EYS: variants seen among roughly 807,000 people sequenced by gnomAD.
EYS encodes EGF-like photoreceptor maintenance factor.
EYS carries 250 observed loss-of-function variants against 282.1 expected under a neutral mutation model. The observed-to-expected ratio is 0.89, with a 90% CI of 0.80 to 0.98. The LOEUF (loss-of-function observed/expected upper bound fraction) is 0.98. Ranked by LOEUF, EYS falls within the 50% of genes least tolerant of loss-of-function variation. The pLI, the probability that EYS is intolerant of heterozygous loss-of-function variation, is 0.00. For synonymous variants in EYS, 1,355 were observed against 1,282.9 expected, an observed-to-expected ratio of 1.06 and a Z score of -1.20; for missense variants, 4,016 against 3,709.0, an observed-to-expected ratio of 1.08 and a Z score of -2.15.
chr6:64,938,134 G>C (rs902674327), intron 15 of EYS, among the ~76,000 whole-genome samples: 2 of 151,496 alleles, frequency 1.3e-5, no homozygotes, highest in African/African-American at 4.8e-5. Flanking sequence ...AGAAGGAAAT[G>C]GGGAGAGGCT....
chr6:64,098,061 C>T (rs1772692480), intron 31 of EYS, among the ~76,000 whole-genome samples: 1 of 152,170 alleles, frequency 6.6e-6, no homozygotes, highest in African/African-American at 2.4e-5. Flanking sequence ...GAAACTGTTA[C>T]ATCTTACTGG....
Position 65,125,081 on chromosome 6 carries a change from G to A in EYS, c.2024-67354C>T, listed in dbSNP as rs567910756. ...AGGAAGGGTCATTTGTCTAAGTTGT[G>A]GCAAAGCCTAAGGGGCAGAAAGGCC... is the stretch of plus-strand genomic sequence containing the variant. On this transcript the variant is annotated intron_variant, in intron 12 of 42. Transcript: ENST00000503581. 6.6e-5 allele frequency among the ~76,000 whole-genome samples: 10 copies of A among 152,290 alleles called. No homozygotes were observed. In the East Asian group the frequency reaches 1.9e-3, roughly 29 times the overall value.
chr6:64,481,203 G>A (rs1460519664), intron 26 of EYS, among the ~76,000 whole-genome samples: 1 of 146,534 alleles, frequency 6.8e-6, no homozygotes, highest in African/African-American at 2.5e-5. Context: ...TCATATATAT[G>A]ATATATATAT....
At chr6:64,070,396 G>T (rs1033588297) in intron 32 of EYS, among the ~76,000 whole-genome samples, 1 of 151,962 alleles carries the variant, frequency 6.6e-6, no homozygotes, top group Non-Finnish European at 1.5e-5. Flanking sequence ...ATCAGAAAAT[G>T]TTAGAAAGCT....
intron 12 of EYS, among the ~76,000 whole-genome samples, chr6:65,267,669 G>A (rs1224969791): frequency 1.3e-5 from 2 of 151,934 alleles, no homozygotes; most frequent in African/African-American, 2.4e-5. Context: ...GTATAAGCGA[G>A]AACACAGGTT....
chr6:65,156,981 C>T (rs1381354793), intron 12 of EYS, among the ~76,000 whole-genome samples: 1 of 150,856 alleles, frequency 6.6e-6, no homozygotes, highest in Non-Finnish European at 1.5e-5. Context: ...AAAATAATGA[C>T]CTTATTCTTC....
chr6:63,721,202 C>T lies in EYS; in HGVS notation c.8829G>A (p.Trp2943Ter), dbSNP rs1768371329. 6.4e-7 allele frequency: 1 copy of T among 1,551,582 alleles called. No individual in the cohort carries two copies. Among genetic ancestry groups the T allele is most frequent in the East Asian group, 2.4e-5 (1 of 40,912 alleles). The change falls in exon 43 of 43, where the codon TGG becomes TGA. Residue 2943 changes from tryptophan to a stop codon, truncating the protein, a stop_gained. Transcript: ENST00000503581. LOFTEE classifies it high-confidence loss of function. ...FSYSCLCTLG[W>*]VGRYCENKTS... ...TTTTGTTTTCACAATACCTTCCCAC[C>T]CAACCCAAAGTACACAGGCAACTGT...
intron 11 of EYS, among the ~76,000 whole-genome samples, chr6:65,298,650 G>A (rs1455167034): frequency 3.3e-5 from 5 of 151,392 alleles, no homozygotes; most frequent in African/African-American, 1.2e-4. Flanking sequence ...ACACAACTTA[G>A]GCACATTCCC....
chr6:65,527,262 T>C (rs1027414769), intron 2 of EYS, among the ~76,000 whole-genome samples: 1 of 152,162 alleles, frequency 6.6e-6, no homozygotes, highest in Non-Finnish European at 1.5e-5. Context: ...ATCACCTCCC[T>C]AACTCACACT....
At chr6:64,329,863 G>A (rs983893713) in intron 29 of EYS, among the ~76,000 whole-genome samples, 25 of 152,234 alleles carry the variant, frequency 1.6e-4, no homozygotes, top group South Asian at 4.1e-4. Flanking sequence ...ATGCTTGGGC[G>A]AATTCCTGCT....
intron 30 of EYS, among the ~76,000 whole-genome samples, chr6:64,286,822 C>T (rs1244839978): frequency 6.6e-6 from 1 of 152,082 alleles, no homozygotes; most frequent in African/African-American, 2.4e-5. Flanking sequence ...CTTATATAGG[C>T]TTGACTTTGA....
intron 2 of EYS, among the ~76,000 whole-genome samples, chr6:65,598,392 T>C (rs113927238): frequency 0.015 from 2,300 of 152,042 alleles, 19 homozygotes; most frequent in Middle Eastern, 0.027. Context: ...TTAGGCTACT[T>C]CTTGAAGATA....
chr6:64,425,472 T>C (rs1368589229), intron 28 of EYS, among the ~76,000 whole-genome samples: 4 of 151,842 alleles, frequency 2.6e-5, no homozygotes, highest in African/African-American at 7.3e-5. Flanking sequence ...CTGGCCCACA[T>C]GGCAAAACCC....
chr6:65,639,062 T>C (rs1193537149), intron 2 of EYS, among the ~76,000 whole-genome samples: 2 of 152,080 alleles, frequency 1.3e-5, no homozygotes, highest in African/African-American at 2.4e-5. Flanking sequence ...GAAATGGAGA[T>C]TGGCAGGATA....
intron 37 of EYS, among the ~76,000 whole-genome samples, chr6:63,798,500 G>A (rs1770699595): frequency 6.6e-6 from 1 of 152,132 alleles, no homozygotes; most frequent in African/African-American, 2.4e-5. Flanking sequence ...GGCATACACT[G>A]TCAGTTTTGT....
intron 12 of EYS, among the ~76,000 whole-genome samples, chr6:65,112,366 A>G (rs1561971858): frequency 6.6e-6 from 1 of 152,168 alleles, no homozygotes; most frequent in African/African-American, 2.4e-5. Flanking sequence ...AAAAGAAAGT[A>G]CAATAGATAG....
At chr6:65,020,443 T>G (rs184178798) in intron 13 of EYS, among the ~76,000 whole-genome samples, 265 of 152,306 alleles carry the variant, frequency 1.7e-3, no homozygotes, top group African/African-American at 6.3e-3. Flanking sequence ...CAAAATGGTC[T>G]CCTTTGCTCC....
intron 33 of EYS, among the ~76,000 whole-genome samples, chr6:64,040,083 C>A (rs780470610): frequency 6.6e-6 from 1 of 152,158 alleles, no homozygotes; most frequent in Non-Finnish European, 1.5e-5. Flanking sequence ...GTAACTTAAT[C>A]AGTTCCAAGT....
chr6:64,112,723 C>T (rs1391019766), intron 31 of EYS, among the ~76,000 whole-genome samples: 1 of 149,070 alleles, frequency 6.7e-6, no homozygotes, highest in Non-Finnish European at 1.5e-5. Flanking sequence ...TAAAAATTTA[C>T]TTAATTTTTA....
Sources: gnomAD v4.1 joint callset for allele counts (sites outside exome capture counted in the v4.1 genomes callset) on GRCh38, gnomAD v4.1.1 for gene constraint, MANE v1.5 for transcripts, NCBI Gene and HGNC (gene_info 2026-07-23, HGNC 2026-07-21) for gene names.